The following TP53BP1 variants were observed in gnomAD, a reference collection of about 807,000 sequenced individuals.
The protein encoded by TP53BP1 is TP53-binding protein 1.
A neutral mutation model predicts 200.8 loss-of-function variants in TP53BP1; 61 were observed. The observed-to-expected ratio is 0.30, with a 90% CI of 0.25 to 0.38. The LOEUF is 0.38. TP53BP1 is among the 10% of genes least tolerant of loss of function. The probability of loss-of-function intolerance (pLI) is 1.00; values close to 1 mark genes in which losing one functional copy is unlikely to be tolerated. For synonymous variants in TP53BP1, 822 were observed against 844.3 expected, an observed-to-expected ratio of 0.97 and a Z score of 0.46; for missense variants, 2,144 against 2,371.9, an observed-to-expected ratio of 0.90 and a Z score of 2.00.
At chr15:43,408,724 G>A in intron 26 of TP53BP1, 173 bp downstream of exon 26, 1 of 636,826 alleles carries the variant, frequency 1.6e-6, no homozygotes, top group Non-Finnish European at 2.7e-6. Context: ...CCTAGCCAAT[G>A]TAACCTAGGG....
intron 11 of TP53BP1, among the ~76,000 whole-genome samples, chr15:43,468,689 A>G (rs1218198228): frequency 7.9e-5 from 12 of 152,182 alleles, no homozygotes; most frequent in Admixed American, 7.9e-4. Flanking sequence ...TAGTCTAAGC[A>G]TTTTATATAT....
chr15:43,469,505 C>CA (rs917313370), intron 11 of TP53BP1, among the ~76,000 whole-genome samples: 3 of 151,430 alleles, frequency 2.0e-5, no homozygotes, highest in Non-Finnish European at 4.4e-5. Context: ...GTGTCATAGG[C>CA]AAAAAAATTT....
chr15:43,421,495 A>C (rs2045397101), intron 19 of TP53BP1, among the ~76,000 whole-genome samples: 1 of 152,160 alleles, frequency 6.6e-6, no homozygotes, highest in Non-Finnish European at 1.5e-5. Context: ...GAATAACAAA[A>C]AGCTAGGAGA....
Position 43,479,466 on chromosome 15 carries a change from T to C in TP53BP1, c.719A>G (p.Asp240Gly). ...ACTGGGCTGTGCTGTCACAGGGATGTCCTTGCTGGACTGTTCTGCTATGGG... is the reference window on the plus strand; with the variant it reads ...ACTGGGCTGTGCTGTCACAGGGATGCCCTTGCTGGACTGTTCTGCTATGGG... ...DIPIAEQSSK[D>G]IPVTAQPSKD... is the part of the protein sequence containing the mutation. The change falls in exon 7 of 28, where the codon GAC becomes GGC. Residue 240 changes from aspartate (D) to glycine (G), a missense_variant. Physicochemically the swap from Asp to Gly is moderately conservative, Grantham distance 94. Coordinates refer to ENST00000382044, the MANE Select transcript of TP53BP1 (RefSeq NM_001141980.3). 1 of 1,614,000 alleles carries C rather than the reference T, an allele frequency of 6.2e-7. No homozygotes were observed. The highest frequency in any genetic ancestry group is 1.3e-5 in the African/African-American group (1 of 75,034).
intron 18 of TP53BP1, among the ~76,000 whole-genome samples, chr15:43,424,169 T>C (rs1185250480): frequency 6.6e-6 from 1 of 152,222 alleles, no homozygotes; most frequent in African/African-American, 2.4e-5. Flanking sequence ...TAGCAGAGAC[T>C]GGTTTCTTTC....
At position 43,491,984 on chromosome 15, in the gene TP53BP1, T is replaced by C. The variant is rs749047825; in HGVS notation, c.286+18A>G. The C allele has an allele frequency of 2.8e-5, 44 of 1,592,178 alleles. No homozygotes were observed. The highest frequency in any genetic ancestry group is 5.4e-5 in the African/African-American group (4 of 74,442). ...ACCCAAAAAATGCAAAGGGGACAGATAGCTTTAAACACCTCACCTGCAACC... is the reference window on the plus strand; with the variant it reads ...ACCCAAAAAATGCAAAGGGGACAGACAGCTTTAAACACCTCACCTGCAACC... On this transcript the variant is annotated intron_variant, in intron 3 of 27. Transcript: ENST00000382044.
chr15:43,510,169 G>A (rs571179944), intron 1 of TP53BP1, among the ~76,000 whole-genome samples: 2 of 121,328 alleles, frequency 1.6e-5, no homozygotes, highest in Non-Finnish European at 3.3e-5. Flanking sequence ...AGAACTCCCG[G>A]GGGGTGGGAG....
intron 18 of TP53BP1, among the ~76,000 whole-genome samples, chr15:43,423,083 A>G (rs1468630400): frequency 6.7e-6 from 1 of 148,534 alleles, no homozygotes; most frequent in Non-Finnish European, 1.5e-5. Context: ...AGACTACAAG[A>G]AAGTCAAACT....
At chr15:43,418,180 TAAAAAAAAAAA>T (rs757250428) in intron 21 of TP53BP1, among the ~76,000 whole-genome samples, 21 of 100,336 alleles carry the variant, frequency 2.1e-4, no homozygotes, top group African/African-American at 8.0e-4. Flanking sequence ...GCTCTGTTTT[TAAAAAAAAAAA>T]AAAAAAAAAA....
intron 15 of TP53BP1, among the ~76,000 whole-genome samples, chr15:43,440,297 G>GTCAGGAGA (rs2045894880): frequency 6.6e-6 from 1 of 152,050 alleles, no homozygotes; most frequent in Non-Finnish European, 1.5e-5. Context: ...GGATCACGAG[G>GTCAGGAGA]TCAGGAGATC....
intron 5 of TP53BP1, 122 bp downstream of exon 5, chr15:43,480,773 T>C: frequency 9.0e-7 from 1 of 1,108,134 alleles, no homozygotes; most frequent in Non-Finnish European, 1.3e-6. Context: ...AATTTCTTAA[T>C]GACTCTCAAT....
intron 22 of TP53BP1, 96 bp downstream of exon 22, chr15:43,416,127 TAA>T (rs770543060): frequency 1.8e-5 from 21 of 1,170,204 alleles, no homozygotes; most frequent in Non-Finnish European, 2.4e-5. Context: ...ATAGGAATAA[TAA>T]AAGTTAGGGA....
At chr15:43,438,262 T>G in intron 16 of TP53BP1, 62 bp downstream of exon 16, 1 of 1,437,960 alleles carries the variant, frequency 7.0e-7, no homozygotes, top group East Asian at 2.3e-5. Flanking sequence ...ATATTAGGAT[T>G]TGGGCACTAA....
intron 12 of TP53BP1, among the ~76,000 whole-genome samples, chr15:43,453,915 G>A (rs1271306085): frequency 1.3e-5 from 2 of 151,816 alleles, no homozygotes; most frequent in Admixed American, 6.6e-5. Flanking sequence ...GTATAAAATG[G>A]GACTGTTCTA....
intron 21 of TP53BP1, among the ~76,000 whole-genome samples, chr15:43,419,591 G>A (rs1227536510): frequency 4.2e-5 from 5 of 119,494 alleles, no homozygotes; most frequent in African/African-American, 1.7e-4. Flanking sequence ...CTATGTTTCA[G>A]CCTGGTCTCA....
chr15:43,481,101 A>C (rs1385247755), intron 4 of TP53BP1, 79 bp from the exon 5 acceptor site: 5 of 1,544,386 alleles, frequency 3.2e-6, no homozygotes, highest in Admixed American at 1.7e-5. Flanking sequence ...CCCCCAACAC[A>C]TACCAACCAT....
chr15:43,436,548 C>A (rs2045803302), intron 16 of TP53BP1, among the ~76,000 whole-genome samples: 1 of 152,046 alleles, frequency 6.6e-6, no homozygotes, highest in Non-Finnish European at 1.5e-5. Flanking sequence ...GACCACAGCT[C>A]CCTGCAGCCT....
intron 4 of TP53BP1, among the ~76,000 whole-genome samples, chr15:43,490,339 C>T (rs2079104077): frequency 6.6e-6 from 1 of 152,004 alleles, no homozygotes; most frequent in Admixed American, 6.6e-5. Context: ...CCGCCCACCT[C>T]AGCCTCCCGA....
chr15:43,403,684 T>C lies in TP53BP1; in HGVS notation c.*3699A>G, dbSNP rs543973163. The C allele has an allele frequency of 8.7e-6, 14 of 1,609,636 alleles. No homozygotes were observed. The highest frequency in any genetic ancestry group is 1.2e-5 in the Non-Finnish European group (14 of 1,177,658). On this transcript the variant is annotated 3_prime_UTR_variant, in exon 28 of 28. Coordinates refer to ENST00000382044, the MANE Select transcript of TP53BP1 (RefSeq NM_001141980.3). ...ATGCCAACTCTGTTTCCCGGGTAGG[T>C]GTTTCACTGCCTGAATGAAATCCTA... is the stretch of plus-strand genomic sequence containing the variant.
Sources: gnomAD v4.1 joint callset for allele counts (sites outside exome capture counted in the v4.1 genomes callset) on GRCh38, gnomAD v4.1.1 for gene constraint, MANE v1.5 for transcripts, NCBI Gene and HGNC (gene_info 2026-07-23, HGNC 2026-07-21) for gene names.